The following RIN2 variants were observed in gnomAD, a reference collection of about 807,000 sequenced individuals.
RIN2 encodes the protein RAB5 interacting protein 2.
Under a neutral mutation model 78.0 loss-of-function variants are expected in RIN2, and 36 were observed. The ratio of observed to expected loss-of-function variants is 0.46; its 90% CI spans 0.35 to 0.61. RIN2 has a LOEUF of 0.61. RIN2 is among the 20% of genes least tolerant of loss of function. The probability of loss-of-function intolerance (pLI) is 0.00; values close to 1 mark genes in which losing one functional copy is unlikely to be tolerated. For missense variants in RIN2, 1,087 were observed against 1,159.7 expected (o/e 0.94, Z 0.91); for synonymous variants, 466 against 466.8 (o/e 1.00, Z 0.02).
chr20:19,955,371 C>T (rs1238844165), intron 4 of RIN2, among the ~76,000 whole-genome samples: 2 of 152,032 alleles, frequency 1.3e-5, no homozygotes, highest in Non-Finnish European at 2.9e-5. Context: ...GGCCTCACTC[C>T]TGTTGTCCAG....
At chr20:19,969,688 A>G (rs1394682252) in intron 7 of RIN2, among the ~76,000 whole-genome samples, 1 of 152,232 alleles carries the variant, frequency 6.6e-6, no homozygotes, top group Non-Finnish European at 1.5e-5. Context: ...TGTCTGGCAC[A>G]TTGCAGATGA....
chr20:19,882,620 C>T (rs865858929), intron 2 of RIN2, among the ~76,000 whole-genome samples: 4 of 152,108 alleles, frequency 2.6e-5, no homozygotes, highest in African/African-American at 9.7e-5. Context: ...CTGTGGATTA[C>T]GGGCTGAGGT....
At chr20:19,898,258 G>T (rs1016922223) in intron 3 of RIN2, among the ~76,000 whole-genome samples, 1 of 152,018 alleles carries the variant, frequency 6.6e-6, no homozygotes, top group Admixed American at 6.5e-5. Context: ...GCTCATCTTC[G>T]CCAGGGGACT....
At chr20:19,844,703 CTT>C (rs1248915736) in intron 2 of RIN2, among the ~76,000 whole-genome samples, 42 of 11,522 alleles carry the variant, frequency 3.6e-3, no homozygotes, top group East Asian at 7.8e-3. Context: ...TCTTCCTCTT[CTT>C]CTTCTTCTTC....
At chr20:19,954,335 C>A (rs908979690) in intron 4 of RIN2, among the ~76,000 whole-genome samples, 2 of 152,134 alleles carry the variant, frequency 1.3e-5, no homozygotes, top group African/African-American at 4.8e-5. Flanking sequence ...GGATTGAAGA[C>A]CATATGTACC....
At position 19,993,284 on chromosome 20, in the gene RIN2, T is replaced by C. The variant is rs1258615229; in HGVS notation, c.2200+985T>C. Among the ~76,000 whole-genome samples the C allele has an allele frequency of 2.6e-5, 4 of 152,032 alleles. No homozygotes were observed. The South Asian group carries it at 6.2e-4, about 24-fold the overall frequency. On this transcript the variant is annotated intron_variant, in intron 11 of 12. Coordinates refer to ENST00000255006, the MANE Select transcript of RIN2 (RefSeq NM_018993.4). Reference sequence around the variant, plus strand: ...GATTGTCACGGTTTCGTTTTTTTTTTTCCCGTGAGTTTCAGTCTGGGCTTG... The same window carrying C: ...GATTGTCACGGTTTCGTTTTTTTTTCTCCCGTGAGTTTCAGTCTGGGCTTG...
intron 4 of RIN2, among the ~76,000 whole-genome samples, chr20:19,938,006 G>A (rs1391611685): frequency 6.6e-6 from 1 of 152,186 alleles, no homozygotes; most frequent in Non-Finnish European, 1.5e-5. Flanking sequence ...CCTGTCTCCT[G>A]TCAGCGTCGT....
rs1346303748 is a variant in RIN2, at chr20:19,863,742, T to A, written c.-36-25824T>A. Among the ~76,000 whole-genome samples, 3 of 152,180 alleles carry A rather than the reference T, an allele frequency of 2.0e-5. No individual in the cohort carries two copies. In the East Asian group the frequency reaches 5.8e-4, roughly 29 times the overall value. ...TGGGAGAAGGCAAACTTTGACAGTATGTAAAGTGCTTAGCTCATTCCTTGC... is the reference window on the plus strand; with the variant it reads ...TGGGAGAAGGCAAACTTTGACAGTAAGTAAAGTGCTTAGCTCATTCCTTGC... On this transcript the variant is annotated intron_variant, in intron 2 of 12. Coordinates refer to ENST00000255006, the MANE Select transcript of RIN2 (RefSeq NM_018993.4).
intron 9 of RIN2, among the ~76,000 whole-genome samples, chr20:19,981,850 C>T (rs1452793693): frequency 6.6e-6 from 1 of 152,198 alleles, no homozygotes; most frequent in Non-Finnish European, 1.5e-5. Flanking sequence ...ACCCAGGTTA[C>T]AGGACATCCC....
chr20:19,985,813 A>G (rs2042603858), intron 9 of RIN2, among the ~76,000 whole-genome samples: 2 of 152,196 alleles, frequency 1.3e-5, no homozygotes, highest in Non-Finnish European at 2.9e-5. Context: ...GTGCTTGTGG[A>G]TGAATACAGT....
chr20:19,870,851 C>T (rs562570499), intron 2 of RIN2, among the ~76,000 whole-genome samples: 1 of 152,274 alleles, frequency 6.6e-6, no homozygotes, highest in South Asian at 2.1e-4. Context: ...TAGGGCATCA[C>T]GTCTGGAGGA....
At chr20:19,894,209 A>G (rs2038615483) in intron 3 of RIN2, among the ~76,000 whole-genome samples, 1 of 152,144 alleles carries the variant, frequency 6.6e-6, no homozygotes, top group African/African-American at 2.4e-5. Context: ...ACATTGAACG[A>G]AAGAGTTTGT....
At chr20:19,982,737 G>A (rs1175255839) in intron 9 of RIN2, among the ~76,000 whole-genome samples, 1 of 152,226 alleles carries the variant, frequency 6.6e-6, no homozygotes, top group Non-Finnish European at 1.5e-5. Flanking sequence ...CATTTTGCAT[G>A]AGGCTTTCAC....
At chr20:19,840,141 G>A (rs1535339) in intron 2 of RIN2, among the ~76,000 whole-genome samples, 69,574 of 152,048 alleles carry the variant, frequency 0.46, 16,149 homozygotes, top group East Asian at 0.6. Flanking sequence ...GGAAAAAGCT[G>A]AACACTTTTA....
intron 1 of RIN2, among the ~76,000 whole-genome samples, chr20:19,770,983 T>C (rs2034098928): frequency 6.6e-6 from 1 of 151,720 alleles, no homozygotes; most frequent in South Asian, 2.1e-4. Flanking sequence ...GTTCAACTAA[T>C]TTGCTAGAGT....
intron 2 of RIN2, among the ~76,000 whole-genome samples, chr20:19,835,408 A>G (rs2036391867): frequency 6.6e-6 from 1 of 152,208 alleles, no homozygotes; most frequent in South Asian, 2.1e-4. Context: ...CTTCATTAAA[A>G]TTTTTTGAGG....
chr20:19,917,580 TG>T (rs369487933), intron 3 of RIN2, among the ~76,000 whole-genome samples: 4 of 152,368 alleles, frequency 2.6e-5, no homozygotes, highest in African/African-American at 9.6e-5. Flanking sequence ...TTCAGATTTT[TG>T]TTCTGTCTGT....
intron 2 of RIN2, among the ~76,000 whole-genome samples, chr20:19,818,573 A>G (rs2035835398): frequency 1.3e-5 from 2 of 152,154 alleles, no homozygotes; most frequent in African/African-American, 4.8e-5. Flanking sequence ...CTTTACTAAA[A>G]ATACAAAAAT....
At chr20:19,773,629 G>C (rs1200266987) in intron 1 of RIN2, among the ~76,000 whole-genome samples, 2 of 151,974 alleles carry the variant, frequency 1.3e-5, no homozygotes, top group Non-Finnish European at 2.9e-5. Context: ...GTGGCGTGCT[G>C]TCTATTAGAC....
Sources: allele counts gnomAD v4.1 joint callset (sites outside exome capture counted in the v4.1 genomes callset), GRCh38; gene constraint gnomAD v4.1.1; transcripts MANE v1.5; gene names NCBI Gene and HGNC (gene_info 2026-07-23, HGNC 2026-07-21).